The following NEGR1 variants were observed in gnomAD, a reference collection of about 807,000 sequenced individuals.
NEGR1 encodes IgLON family member 4.
Under a neutral mutation model 40.9 loss-of-function variants are expected in NEGR1, and 10 were observed. The observed-to-expected ratio is 0.24, with a 90% CI of 0.15 to 0.42. The LOEUF is 0.42. Ranked by LOEUF, NEGR1 falls within the 10% of genes least tolerant of loss-of-function variation. NEGR1 has a pLI of 1.00. For synonymous variants in NEGR1, 185 were observed against 166.8 expected, an observed-to-expected ratio of 1.11 and a Z score of -0.84; for missense variants, 352 against 438.9, an observed-to-expected ratio of 0.80 and a Z score of 1.77.
intron 6 of NEGR1, among the ~76,000 whole-genome samples, chr1:71,561,578 T>C (rs959733815): frequency 2.6e-5 from 4 of 151,684 alleles, no homozygotes; most frequent in Admixed American, 2.6e-4. Context: ...ATCATGAAAA[T>C]AAAACAGCTA....
intron 2 of NEGR1, among the ~76,000 whole-genome samples, chr1:71,852,697 T>A (rs571917231): frequency 2.6e-5 from 4 of 151,298 alleles, no homozygotes; most frequent in Admixed American, 6.6e-5. Context: ...AGATTTCAAT[T>A]AGAAAAAGAC....
chr1:71,561,373 C>T (rs944453172), intron 6 of NEGR1, among the ~76,000 whole-genome samples: 1 of 151,606 alleles, frequency 6.6e-6, no homozygotes, highest in Non-Finnish European at 1.5e-5. Context: ...CTAAAAATTT[C>T]CGCAGTTTGG....
intron 1 of NEGR1, among the ~76,000 whole-genome samples, chr1:72,102,938 GCTTTTGATCAAA>G (rs1648999501): frequency 6.6e-6 from 1 of 151,996 alleles, no homozygotes; most frequent in African/African-American, 2.4e-5. Flanking sequence ...AATGGCAATT[GCTTTTGATCAAA>G]ACAAAGTCAA....
chr1:72,065,042 A>G (rs1380502512), intron 1 of NEGR1, among the ~76,000 whole-genome samples: 1 of 152,082 alleles, frequency 6.6e-6, no homozygotes, highest in East Asian at 1.9e-4. Context: ...AAGTATTCCA[A>G]GAAAACAACT....
At chr1:72,211,282 C>T (rs947171608) in intron 1 of NEGR1, among the ~76,000 whole-genome samples, 7 of 151,742 alleles carry the variant, frequency 4.6e-5, no homozygotes, top group African/African-American at 1.5e-4. Flanking sequence ...GCACTCTGAA[C>T]ACCTATCCCA....
At chr1:71,423,832 T>C (rs1249725229) in intron 6 of NEGR1, among the ~76,000 whole-genome samples, 2 of 125,886 alleles carry the variant, frequency 1.6e-5, no homozygotes, top group African/African-American at 6.2e-5. Flanking sequence ...CACCCCCCCT[T>C]TTTTTTTTTT....
chr1:71,663,793 T>G (rs1376707057), intron 4 of NEGR1, among the ~76,000 whole-genome samples: 1 of 152,218 alleles, frequency 6.6e-6, no homozygotes, highest in Non-Finnish European at 1.5e-5. Flanking sequence ...GTTTTATAGT[T>G]GTTCATGCAT....
chr1:72,221,695 C>CT (rs1557585215), intron 1 of NEGR1, among the ~76,000 whole-genome samples: 1 of 152,092 alleles, frequency 6.6e-6, no homozygotes, highest in Non-Finnish European at 1.5e-5. Flanking sequence ...TCAAAAAATC[C>CT]TGAAGTCCTA....
At chr1:72,163,690 A>C (rs1651668921) in intron 1 of NEGR1, among the ~76,000 whole-genome samples, 1 of 151,878 alleles carries the variant, frequency 6.6e-6, no homozygotes, top group Admixed American at 6.6e-5. Context: ...AAGGCAAATA[A>C]TATATGCCCA....
intron 1 of NEGR1, among the ~76,000 whole-genome samples, chr1:71,982,434 A>T (rs539216996): frequency 1.3e-5 from 2 of 152,202 alleles, no homozygotes; most frequent in Non-Finnish European, 2.9e-5. Context: ...CAGCCAGCCT[A>T]GAATTCCAGC....
chr1:72,229,069 C>A (rs1228690072), intron 1 of NEGR1, among the ~76,000 whole-genome samples: 1 of 151,994 alleles, frequency 6.6e-6, no homozygotes, highest in African/African-American at 2.4e-5. Flanking sequence ...AAATTAAATT[C>A]CAAATTGGAT....
intron 2 of NEGR1, among the ~76,000 whole-genome samples, chr1:71,837,788 A>C (rs1005997914): frequency 6.6e-6 from 1 of 152,168 alleles, no homozygotes; most frequent in Non-Finnish European, 1.5e-5. Flanking sequence ...CATGAAATAG[A>C]TATTGAGCTA....
chr1:71,420,630 A>G (rs1646388127), intron 6 of NEGR1, among the ~76,000 whole-genome samples: 1 of 152,058 alleles, frequency 6.6e-6, no homozygotes, highest in Admixed American at 6.6e-5. Flanking sequence ...CTAGTTAGAG[A>G]AAGACATTCT....
At chr1:72,063,913 C>A (rs906170213) in intron 1 of NEGR1, among the ~76,000 whole-genome samples, 2 of 151,860 alleles carry the variant, frequency 1.3e-5, no homozygotes, top group African/African-American at 4.8e-5. Flanking sequence ...CAAGTGTTAG[C>A]TTTAAAGTAG....
chr1:71,697,412 T>C (rs1010879587), intron 4 of NEGR1, among the ~76,000 whole-genome samples: 5 of 151,808 alleles, frequency 3.3e-5, no homozygotes, highest in Admixed American at 2.0e-4. Flanking sequence ...TCATCTTATA[T>C]CAGTGTGGTG....
At chr1:72,071,691 A>G (rs1024241192) in intron 1 of NEGR1, among the ~76,000 whole-genome samples, 2 of 152,190 alleles carry the variant, frequency 1.3e-5, no homozygotes, top group African/African-American at 4.8e-5. Context: ...TATGTTTGAT[A>G]AGTCTCCTAT....
Position 71,652,847 on chromosome 1 carries a change from G to A in NEGR1, c.668-41701C>T, listed in dbSNP as rs890473228. ...CTACTGCATTCCAGGCTGGGTGAGA[G>A]AGTGAGATCTCATCTCAGAAAAAAA... is the stretch of plus-strand genomic sequence containing the variant. On this transcript the variant is annotated intron_variant, in intron 4 of 6. Coordinates refer to ENST00000357731, the MANE Select transcript of NEGR1 (RefSeq NM_173808.3). 2.0e-5 allele frequency among the ~76,000 whole-genome samples: 3 copies of A among 151,944 alleles called. No individual in the cohort carries two copies. The East Asian group carries it at 5.8e-4, about 29-fold the overall frequency.
At chr1:71,614,921 T>C (rs1762732) in intron 4 of NEGR1, among the ~76,000 whole-genome samples, 63,048 of 151,892 alleles carry the variant, frequency 0.42, 13,245 homozygotes, top group East Asian at 0.64. Flanking sequence ...TGGGCTGCTA[T>C]GATGGACACC....
At chr1:71,999,719 A>G (rs576612545) in intron 1 of NEGR1, among the ~76,000 whole-genome samples, 51 of 136,846 alleles carry the variant, frequency 3.7e-4, no homozygotes, top group African/African-American at 1.3e-3. Context: ...TTGACTTTAC[A>G]TGGAGTCTCT....
Sources: gnomAD v4.1 joint callset for allele counts (sites outside exome capture counted in the v4.1 genomes callset) on GRCh38, gnomAD v4.1.1 for gene constraint, MANE v1.5 for transcripts, NCBI Gene and HGNC (gene_info 2026-07-23, HGNC 2026-07-21) for gene names.